Variants in SOX5 observed in about 807,000 individuals in gnomAD.
SOX5 encodes SRY-box transcription factor 5.
A neutral mutation model predicts 92.0 loss-of-function variants in SOX5; 9 were observed. That is an observed-to-expected ratio of 0.10 (90% CI 0.06 to 0.17). SOX5 has a LOEUF of 0.17. Among genes scored for constraint, SOX5 ranks in the 10% least tolerant of loss-of-function variants. SOX5 has a pLI of 1.00. For missense variants in SOX5, 642 were observed against 944.5 expected (o/e 0.68, Z 4.20); for synonymous variants, 344 against 336.3 (o/e 1.02, Z -0.25).
intron 7 of SOX5, among the ~76,000 whole-genome samples, chr12:23,641,700 T>C (rs2080087143): frequency 6.6e-6 from 1 of 152,164 alleles, no homozygotes. Flanking sequence ...AGAGGTACAA[T>C]AGACCTGTTG....
intron 4 of SOX5, among the ~76,000 whole-genome samples, chr12:24,164,210 T>C (rs1953113143): frequency 6.6e-6 from 1 of 152,040 alleles, no homozygotes; most frequent in African/African-American, 2.4e-5. Flanking sequence ...CTGGCTGTTA[T>C]GAGACAGAAG....
intron 4 of SOX5, among the ~76,000 whole-genome samples, chr12:23,997,958 TG>T (rs527661520): frequency 1.3e-5 from 2 of 151,862 alleles, no homozygotes; most frequent in African/African-American, 4.8e-5. Context: ...ACTACTATGG[TG>T]GGGGGGTGCA....
chr12:24,552,242 A>C (rs903368774), intron 1 of SOX5, among the ~76,000 whole-genome samples: 1 of 152,248 alleles, frequency 6.6e-6, no homozygotes, highest in East Asian at 1.9e-4. Context: ...GCAGTCCAAC[A>C]ATCAGTTGTG....
intron 10 of SOX5, among the ~76,000 whole-genome samples, chr12:23,568,567 A>T (rs942035778): frequency 6.6e-6 from 1 of 152,126 alleles, no homozygotes; most frequent in Non-Finnish European, 1.5e-5. Flanking sequence ...AGTACCTGAT[A>T]TGCAGCATGT....
At chr12:23,841,642 T>C (rs1445196470) in intron 3 of SOX5, among the ~76,000 whole-genome samples, 3 of 152,142 alleles carry the variant, frequency 2.0e-5, no homozygotes, top group African/African-American at 7.2e-5. Context: ...TATCAAGCTA[T>C]AAACAGCCAT....
At chr12:23,584,569 ACAAATCTC>A in intron 9 of SOX5, 1 of 1,611,484 alleles carries the variant, frequency 6.2e-7, no homozygotes, top group Non-Finnish European at 8.5e-7. Context: ...CTCCTATGGC[ACAAATCTC>A]CAACAGTCTG....
At chr12:23,817,826 CA>C (rs1427723581) in intron 3 of SOX5, among the ~76,000 whole-genome samples, 1 of 152,126 alleles carries the variant, frequency 6.6e-6, no homozygotes, top group Non-Finnish European at 1.5e-5. Context: ...GTTACTCTCC[CA>C]AAAGACCACG....
intron 6 of SOX5, among the ~76,000 whole-genome samples, chr12:23,715,932 A>C (rs1035432089): frequency 1.3e-5 from 2 of 151,894 alleles, no homozygotes; most frequent in Non-Finnish European, 2.9e-5. Flanking sequence ...AATAAATCTT[A>C]TTAAATTTGG....
intron 1 of SOX5, among the ~76,000 whole-genome samples, chr12:24,411,918 T>C (rs1411558273): frequency 2.0e-5 from 3 of 152,218 alleles, no homozygotes; most frequent in African/African-American, 7.2e-5. Context: ...ATTACTTTTT[T>C]TGAAAGTTTG....
intron 3 of SOX5, among the ~76,000 whole-genome samples, chr12:23,804,522 A>C (rs1325612791): frequency 6.6e-6 from 1 of 152,080 alleles, no homozygotes; most frequent in Non-Finnish European, 1.5e-5. Context: ...ATAAAGTTTC[A>C]ACTCTGTAGC....
At chr12:23,741,143 C>A in intron 4 of SOX5, 104 bp from the exon 5 acceptor site, 1 of 756,322 alleles carries the variant, frequency 1.3e-6, no homozygotes, top group Non-Finnish European at 1.9e-6. Context: ...ATATAAAGTT[C>A]AATAAACACA....
rs962495195 is a variant in SOX5 at position 23,802,603 on chromosome 12, T to C, written c.481+43380A>G. On this transcript the variant is annotated intron_variant, in intron 3 of 14. Transcript: ENST00000451604. ...AGCTTGTCTGTGTGATTATCCTCAA[T>C]ACGGAATTGTGACACCCTCTAAAAA... Among the ~76,000 whole-genome samples, 54 of 152,144 alleles carry C rather than the reference T, an allele frequency of 3.5e-4. 1 individual carries two copies. Among genetic ancestry groups the C allele is most frequent in the Non-Finnish European group, 2.9e-5 (2 of 68,018 alleles).
At chr12:24,302,266 T>A (rs1239724521) in intron 2 of SOX5, among the ~76,000 whole-genome samples, 1 of 152,178 alleles carries the variant, frequency 6.6e-6, no homozygotes, top group Non-Finnish European at 1.5e-5. Context: ...ATTATTCAAT[T>A]AAAAGAAGAC....
In SOX5 at chr12:24,069,982, C is replaced by G. The variant is rs375154255; in HGVS notation, c.-2+143361G>C. Among the ~76,000 whole-genome samples the G allele has an allele frequency of 7.2e-5, 11 of 152,218 alleles. No homozygotes were observed. In the East Asian group the frequency reaches 1.2e-3, roughly 16 times the overall value. On this transcript the variant is annotated intron_variant, in intron 4 of 4. Transcript: ENST00000446891. ...CTTGACAATCATGGGGAGGAGCTAG[C>G]CAGGCCTAACATTACACCAGTTAAA...
intron 3 of SOX5, among the ~76,000 whole-genome samples, chr12:24,218,829 A>C (rs1959696212): frequency 6.6e-6 from 1 of 152,116 alleles, no homozygotes; most frequent in Non-Finnish European, 1.5e-5. Flanking sequence ...GCTAAAAACT[A>C]ATAATAAAAT....
At chr12:24,252,471 G>T (rs535086155) in intron 3 of SOX5, among the ~76,000 whole-genome samples, 1 of 151,684 alleles carries the variant, frequency 6.6e-6, no homozygotes, top group Non-Finnish European at 1.5e-5. Context: ...GAATTAAAAT[G>T]GAAAAATTTC....
intron 4 of SOX5, among the ~76,000 whole-genome samples, chr12:24,035,991 G>T (rs991270207): frequency 6.6e-6 from 1 of 151,788 alleles, no homozygotes; most frequent in Non-Finnish European, 1.5e-5. Context: ...AAGGTGTGTG[G>T]GTGTTTTTTT....
At chr12:23,637,162 C>T (rs1484941900) in intron 8 of SOX5, among the ~76,000 whole-genome samples, 1 of 152,258 alleles carries the variant, frequency 6.6e-6, no homozygotes, top group East Asian at 1.9e-4. Context: ...ATTCTCATTA[C>T]CATTGAATAA....
chr12:24,503,351 G>A (rs931489728), intron 1 of SOX5, among the ~76,000 whole-genome samples: 2 of 152,166 alleles, frequency 1.3e-5, no homozygotes, highest in Non-Finnish European at 2.9e-5. Flanking sequence ...GAGCAATGAC[G>A]CATGACCACA....
Sources: gnomAD v4.1 joint callset for allele counts (sites outside exome capture counted in the v4.1 genomes callset) on GRCh38, gnomAD v4.1.1 for gene constraint, MANE v1.5 for transcripts, NCBI Gene and HGNC (gene_info 2026-07-23, HGNC 2026-07-21) for gene names.